OLFML2A: variants seen among roughly 807,000 people sequenced by gnomAD.
OLFML2A encodes the protein olfactomedin like 2A.
Under a neutral mutation model 60.9 loss-of-function variants are expected in OLFML2A, and 47 were observed. That is an observed-to-expected ratio of 0.77 (90% CI 0.61 to 0.98). OLFML2A has a LOEUF of 0.98. Ranked by LOEUF, OLFML2A falls within the 50% of genes least tolerant of loss-of-function variation. OLFML2A has a pLI of 0.00. For synonymous variants in OLFML2A, 372 were observed against 375.0 expected (o/e 0.99, Z 0.09); for missense variants, 922 against 879.8 (o/e 1.05, Z -0.61).
In OLFML2A at chr9:124,799,405, C is replaced by A. The variant is rs754933520; in HGVS notation, c.583C>A (p.Leu195Met). The A allele has an allele frequency of 2.5e-6, 4 of 1,613,642 alleles. No homozygotes were observed. Among genetic ancestry groups the A allele is most frequent in the Non-Finnish European group, 2.5e-6 (3 of 1,179,954 alleles). The change falls in exon 4 of 8, where the codon CTG becomes ATG. Residue 195 changes from leucine to methionine, a missense_variant. Transcript: ENST00000373580. Reference sequence around the variant, plus strand: ...CATCATGCTGGGCATCAAGAAGGAGCTGTCCCGCCTGGGCCTCCAGCTGCT... The same window carrying A: ...CATCATGCTGGGCATCAAGAAGGAGATGTCCCGCCTGGGCCTCCAGCTGCT... ...SAIMLGIKKELSRLGLQLLQK... is the reference protein window; with the variant it reads ...SAIMLGIKKEMSRLGLQLLQK...
intron 1 of OLFML2A, among the ~76,000 whole-genome samples, chr9:124,785,286 A>G (rs1321797465): frequency 8.0e-5 from 12 of 150,284 alleles, no homozygotes; most frequent in South Asian, 2.1e-4. Context: ...ATATTTCTCT[A>G]TTCAGTTGAT....
At chr9:124,789,920 G>T (rs1177060393) in intron 2 of OLFML2A, among the ~76,000 whole-genome samples, 1 of 152,196 alleles carries the variant, frequency 6.6e-6, no homozygotes, top group Non-Finnish European at 1.5e-5. Flanking sequence ...CCATAGGCCA[G>T]TCTTCAGTTA....
chr9:124,809,543 C>T (rs1841961066), intron 7 of OLFML2A, among the ~76,000 whole-genome samples: 1 of 151,906 alleles, frequency 6.6e-6, no homozygotes, highest in African/African-American at 2.4e-5. Context: ...TGATGTCACC[C>T]TGTGTCTAAA....
At chr9:124,802,221 G>A (rs1375069362) in intron 5 of OLFML2A, among the ~76,000 whole-genome samples, 2 of 152,150 alleles carry the variant, frequency 1.3e-5, no homozygotes, top group Non-Finnish European at 2.9e-5. Context: ...CAAAGTAATT[G>A]GCAAACAAGA....
chr9:124,799,163 C>T, intron 3 of OLFML2A, 122 bp from the exon 4 acceptor site: 1 of 695,516 alleles, frequency 1.4e-6, no homozygotes, highest in Admixed American at 2.3e-5. Context: ...ACTGCGGCCG[C>T]CCCTAGCCCG....
chr9:124,803,560 C>G (rs988793548), intron 5 of OLFML2A, among the ~76,000 whole-genome samples: 1 of 152,228 alleles, frequency 6.6e-6, no homozygotes, highest in Non-Finnish European at 1.5e-5. Context: ...CCACTGCGCC[C>G]AACCCTCTAA....
intron 7 of OLFML2A, among the ~76,000 whole-genome samples, chr9:124,808,520 G>A (rs1438838871): frequency 6.6e-6 from 1 of 152,118 alleles, no homozygotes. Flanking sequence ...CTTCAGAAAT[G>A]CACAGTCTGG....
At position 124,804,351 on chromosome 9, in the gene OLFML2A, G is replaced by A. The variant is rs1222777179; in HGVS notation, c.1168+9G>A. On this transcript the variant is annotated intron_variant, in intron 6 of 7. Coordinates refer to ENST00000373580, the MANE Select transcript of OLFML2A (RefSeq NM_182487.4). ...AGAAGTCTCCAGCCAAGGTGAGTGA[G>A]CCTCACAGGAGTCAGCACACTGTAG... The A allele has an allele frequency of 6.5e-7, 1 of 1,537,448 alleles. No homozygotes were observed. Among genetic ancestry groups the A allele is most frequent in the Non-Finnish European group, 8.8e-7 (1 of 1,141,080 alleles).
chr9:124,784,808 T>C (rs1588878411), intron 1 of OLFML2A, among the ~76,000 whole-genome samples: 1 of 152,096 alleles, frequency 6.6e-6, no homozygotes, highest in African/African-American at 2.4e-5. Flanking sequence ...TGGACGTGCC[T>C]CTCCTGGATA....
chr9:124,800,104 G>A (rs1481242112), intron 4 of OLFML2A, among the ~76,000 whole-genome samples: 2 of 152,260 alleles, frequency 1.3e-5, no homozygotes, highest in African/African-American at 4.8e-5. Context: ...TCTGTAGGCA[G>A]ATGAACTGTG....
In OLFML2A at chr9:124,813,148, C is replaced by G. The variant is rs1403614259; in HGVS notation, c.*2736C>G. The G allele has an allele frequency of 2.0e-5, 3 of 152,256 alleles. No homozygotes were observed. The highest frequency in any genetic ancestry group is 4.4e-5 in the Non-Finnish European group (3 of 68,050). The allele number at this position is 152,256 out of a possible 1,614,324, so 9.4% of individuals were successfully genotyped here. ...ATTTTTAGTAGAGACAGGATTTCAC[C>G]ATGTTGGCCAGGCCAGTCTCAAACT... On this transcript the variant is annotated 3_prime_UTR_variant, in exon 8 of 8. Coordinates refer to ENST00000373580, the MANE Select transcript of OLFML2A (RefSeq NM_182487.4).
At chr9:124,808,907 G>A (rs1841950960) in intron 7 of OLFML2A, among the ~76,000 whole-genome samples, 1 of 151,862 alleles carries the variant, frequency 6.6e-6, no homozygotes, top group African/African-American at 2.4e-5. Flanking sequence ...TGTAATCCTA[G>A]CACTTTGGGA....
At position 124,809,752 on chromosome 9, in the gene OLFML2A, G is replaced by A. The variant is rs549753840; in HGVS notation, c.1355-56G>A. 11 of 1,544,898 alleles carry A rather than the reference G, an allele frequency of 7.1e-6. No homozygotes were observed. The East Asian group carries it at 2.0e-4, about 29-fold the overall frequency. On this transcript the variant is annotated intron_variant, in intron 7 of 7. Coordinates refer to ENST00000373580, the MANE Select transcript of OLFML2A (RefSeq NM_182487.4). The stretch of plus-strand genomic sequence containing the variant: ...AGAGCCCTTGGTGGGCTCAGGGGAT[G>A]TGGGTGGGCTGGGGTTGCTCGGGAG...
chr9:124,804,163 C>T lies in OLFML2A; in HGVS notation c.989C>T (p.Ala330Val), dbSNP rs199918238. The part of the protein sequence containing the change: ...PPKVEGRSNS[A>V]EPNSAEQDEA... ...AAGGTGGAGGGCAGGTCCAACTCCG[C>T]AGAGCCCAACTCCGCAGAGCAGGAT... The change falls in exon 6 of 8, where the codon GCA becomes GTA. Residue 330 changes from alanine (A) to valine (V), a missense_variant. Transcript: ENST00000373580. 7.9e-5 allele frequency: 127 copies of T among 1,613,744 alleles called. No individual in the cohort carries two copies. Among genetic ancestry groups the T allele is most frequent in the Non-Finnish European group, 8.6e-5 (102 of 1,179,754 alleles).
intron 6 of OLFML2A, among the ~76,000 whole-genome samples, chr9:124,806,923 AT>A (rs958156033): frequency 1.6e-3 from 237 of 150,488 alleles, no homozygotes; most frequent in African/African-American, 5.0e-3. Flanking sequence ...TTATTTATTT[AT>A]TTTTTTTGAG....
intron 2 of OLFML2A, among the ~76,000 whole-genome samples, chr9:124,789,642 ACAGT>A (rs1401026784): frequency 1.3e-5 from 2 of 152,358 alleles, no homozygotes; most frequent in East Asian, 3.9e-4. Flanking sequence ...CAGCACAGAG[ACAGT>A]CAGTGCCTCT....
chr9:124,781,800 A>G (rs1216441273), intron 1 of OLFML2A, among the ~76,000 whole-genome samples: 6 of 152,076 alleles, frequency 3.9e-5, no homozygotes, highest in Admixed American at 6.6e-5. Flanking sequence ...GCCAAAAAAA[A>G]AAAAAAAGAC....
chr9:124,801,794 C>A, intron 5 of OLFML2A, 131 bp downstream of exon 5: 2 of 1,027,690 alleles, frequency 1.9e-6, no homozygotes, highest in Non-Finnish European at 2.8e-6. Flanking sequence ...GTGCCCTCTG[C>A]TCATTCACAT....
chr9:124,781,904 T>A (rs554975959), intron 1 of OLFML2A, among the ~76,000 whole-genome samples: 1 of 152,158 alleles, frequency 6.6e-6, no homozygotes, highest in East Asian at 1.9e-4. Context: ...TGCAGAAAAA[T>A]CTCAAATACA....
Sources: allele counts gnomAD v4.1 joint callset (sites outside exome capture counted in the v4.1 genomes callset), GRCh38; gene constraint gnomAD v4.1.1; transcripts MANE v1.5; gene names NCBI Gene and HGNC (gene_info 2026-07-23, HGNC 2026-07-21).